TMTC1: variants seen among roughly 807,000 people sequenced by gnomAD.
The protein encoded by TMTC1 is transmembrane O-mannosyltransferase targeting cadherins 1.
A neutral mutation model predicts 104.8 loss-of-function variants in TMTC1; 73 were observed. That is an observed-to-expected ratio of 0.70 (90% CI 0.58 to 0.85). TMTC1 has a LOEUF of 0.85. Ranked by LOEUF, TMTC1 falls within the 40% of genes least tolerant of loss-of-function variation. The pLI, the probability that TMTC1 is intolerant of heterozygous loss-of-function variation, is 0.00. For missense variants in TMTC1, 1,035 were observed against 1,096.1 expected, an observed-to-expected ratio of 0.94 and a Z score of 0.79; for synonymous variants, 434 against 428.7, an observed-to-expected ratio of 1.01 and a Z score of -0.15.
chr12:29,598,623 G>T (rs1946474965), intron 7 of TMTC1, among the ~76,000 whole-genome samples: 1 of 151,666 alleles, frequency 6.6e-6, no homozygotes, highest in Non-Finnish European at 1.5e-5. Flanking sequence ...TTCTTTCATT[G>T]ATGTTTTATA....
intron 5 of TMTC1, among the ~76,000 whole-genome samples, chr12:29,645,769 G>A (rs970688494): frequency 3.9e-5 from 6 of 152,180 alleles, no homozygotes; most frequent in African/African-American, 7.2e-5. Flanking sequence ...CCACGCATCA[G>A]GCTCAGGTCT....
intron 5 of TMTC1, among the ~76,000 whole-genome samples, chr12:29,650,114 C>T (rs1321299622): frequency 5.4e-5 from 8 of 148,700 alleles, no homozygotes; most frequent in African/African-American, 9.9e-5. Flanking sequence ...TGAGGAGTCT[C>T]GGTCTGTTGC....
intron 1 of TMTC1, among the ~76,000 whole-genome samples, chr12:29,771,837 G>A (rs757269950): frequency 2.0e-5 from 3 of 152,142 alleles, no homozygotes; most frequent in Non-Finnish European, 4.4e-5. Context: ...TTGAGGAAAT[G>A]GAAGATGCTC....
In TMTC1 at chr12:29,758,774, C is replaced by A; in HGVS notation, c.484G>T (p.Ala162Ser). 6.2e-7 allele frequency: 1 copy of A among 1,603,228 alleles called. No homozygotes were observed. Among genetic ancestry groups the A allele is most frequent in the Non-Finnish European group, 8.5e-7 (1 of 1,176,054 alleles). ...AVHPIHTEAV[A>S]GIVGRADVLA... The stretch of plus-strand genomic sequence containing the variant: ...ACGTCCGCTCTGCCAACGATCCCAG[C>A]CACCTTGGAAGTTAAAATAATAAAA... The change falls in exon 3 of 18, where the codon GCT (alanine) becomes TCT (serine). Residue 162 changes from alanine to serine, a missense_variant. Coordinates refer to ENST00000539277, the MANE Select transcript of TMTC1 (RefSeq NM_001193451.2).
intron 5 of TMTC1, among the ~76,000 whole-genome samples, chr12:29,636,314 TTCTTA>T (rs1241352414): frequency 6.6e-6 from 1 of 152,188 alleles, no homozygotes; most frequent in African/African-American, 2.4e-5. Context: ...TAGTAACACT[TTCTTA>T]TCTTATTTCC....
Position 29,574,835 on chromosome 12 carries a change from T to C in TMTC1, c.1419-2617A>G, listed in dbSNP as rs11050291. Among the ~76,000 whole-genome samples the C allele has an allele frequency of 2.6e-5, 4 of 152,202 alleles. No individual in the cohort carries two copies. In the East Asian group the frequency reaches 5.8e-4, roughly 22 times the overall value. On this transcript the variant is annotated intron_variant, in intron 8 of 17. Transcript: ENST00000539277. Reference sequence around the variant, plus strand: ...GAGGTTACAGCTTCAATATATGAATTTGAAGGGATGCAAACATTCAGTCCT... The same window carrying C: ...GAGGTTACAGCTTCAATATATGAATCTGAAGGGATGCAAACATTCAGTCCT...
chr12:29,753,035 A>T (rs302336), intron 4 of TMTC1, among the ~76,000 whole-genome samples: 63,113 of 152,046 alleles, frequency 0.42, 13,529 homozygotes, highest in Admixed American at 0.55. Context: ...ATCTCATTCC[A>T]TCCATGTGGG....
intron 5 of TMTC1, among the ~76,000 whole-genome samples, chr12:29,723,441 C>A (rs1405370446): frequency 6.6e-6 from 1 of 152,140 alleles, no homozygotes; most frequent in African/African-American, 2.4e-5. Flanking sequence ...AGAAACCAAG[C>A]CAGGAGCAGT....
In TMTC1 at chr12:29,507,045, A is replaced by G. The variant is rs186766033; in HGVS notation, c.2509-59T>C. The G allele has an allele frequency of 1.0e-5, 15 of 1,465,822 alleles. No individual in the cohort carries two copies. The Admixed American group carries it at 2.4e-4, about 23-fold the overall frequency. The allele number at this position is 1,465,822 out of a possible 1,614,324, so 90.8% of individuals were successfully genotyped here. ...GATCCATCACAAAACTCTCTCAGAG[A>G]ATGAAGAGACTAAGAAACTGACCCT... On this transcript the variant is annotated intron_variant, in intron 17 of 17. Transcript: ENST00000539277.
At chr12:29,536,127 AT>A in intron 11 of TMTC1, 81 bp downstream of exon 11, 2 of 939,222 alleles carry the variant, frequency 2.1e-6, no homozygotes, top group Non-Finnish European at 3.4e-6. Flanking sequence ...TACAAATTAA[AT>A]CATTAGTACA....
chr12:29,754,874 G>T (rs913257704), intron 4 of TMTC1, among the ~76,000 whole-genome samples: 1 of 152,204 alleles, frequency 6.6e-6, no homozygotes, highest in Admixed American at 6.5e-5. Context: ...ATGTCAAGAA[G>T]TATAAAGAGG....
intron 7 of TMTC1, among the ~76,000 whole-genome samples, chr12:29,596,175 T>A (rs534331580): frequency 4.5e-4 from 68 of 152,206 alleles, no homozygotes; most frequent in African/African-American, 1.2e-3. Flanking sequence ...CCTGGATAAT[T>A]TTTGTACTTT....
chr12:29,648,834 T>C (rs1939389229), intron 5 of TMTC1, among the ~76,000 whole-genome samples: 1 of 152,236 alleles, frequency 6.6e-6, no homozygotes, highest in South Asian at 2.1e-4. Flanking sequence ...ATAATCAATG[T>C]AAAAATTATG....
intron 5 of TMTC1, among the ~76,000 whole-genome samples, chr12:29,725,011 GTTC>G (rs1942343473): frequency 1.7e-5 from 2 of 115,760 alleles, no homozygotes; most frequent in African/African-American, 3.1e-5. Flanking sequence ...TATCTGCCAA[GTTC>G]TTTTTTTTTT....
chr12:29,507,091 G>A, intron 17 of TMTC1, 105 bp from the exon 18 acceptor site: 1 of 909,948 alleles, frequency 1.1e-6, no homozygotes, highest in South Asian at 1.5e-5. Context: ...TTACATTAAT[G>A]TTCTCATATG....
chr12:29,597,220 TTTTTCTTTCTTTC>T (rs1450983568), intron 7 of TMTC1, among the ~76,000 whole-genome samples: 1 of 147,898 alleles, frequency 6.8e-6, no homozygotes, highest in Non-Finnish European at 1.5e-5. Context: ...TTTCTTTTTC[TTTTTCTTTCTTTC>T]TTTTCTTTCT....
chr12:29,748,429 T>C (rs927739156), intron 5 of TMTC1, among the ~76,000 whole-genome samples: 1 of 152,204 alleles, frequency 6.6e-6, no homozygotes, highest in Admixed American at 6.5e-5. Flanking sequence ...ACAAGCACCC[T>C]GCCTCTTCCC....
At chr12:29,532,192 T>G (rs1944524233) in intron 11 of TMTC1, among the ~76,000 whole-genome samples, 1 of 152,204 alleles carries the variant, frequency 6.6e-6, no homozygotes, top group African/African-American at 2.4e-5. Context: ...TCTCTGTCAT[T>G]GGTCCATATG....
intron 5 of TMTC1, among the ~76,000 whole-genome samples, chr12:29,748,950 C>A (rs1437857751): frequency 6.6e-6 from 1 of 152,186 alleles, no homozygotes; most frequent in Non-Finnish European, 1.5e-5. Context: ...ATTATCTATG[C>A]TTTTGAGGTT....
Sources: gnomAD v4.1 joint callset for allele counts (sites outside exome capture counted in the v4.1 genomes callset) on GRCh38, gnomAD v4.1.1 for gene constraint, MANE v1.5 for transcripts, NCBI Gene and HGNC (gene_info 2026-07-23, HGNC 2026-07-21) for gene names.